Variants in DSCAM observed in about 807,000 individuals in gnomAD.
DSCAM encodes the protein DS cell adhesion molecule, also known as cell adhesion molecule DSCAM.
Under a neutral mutation model 217.7 loss-of-function variants are expected in DSCAM, and 47 were observed. The observed-to-expected ratio is 0.22, with a 90% CI of 0.17 to 0.28. The LOEUF (loss-of-function observed/expected upper bound fraction) is 0.28. Ranked by LOEUF, DSCAM falls within the 10% of genes least tolerant of loss-of-function variation. The probability of loss-of-function intolerance (pLI) is 1.00; values close to 1 mark genes in which losing one functional copy is unlikely to be tolerated. For missense variants in DSCAM, 2,080 were observed against 2,618.3 expected (o/e 0.79, Z 4.49); for synonymous variants, 1,056 against 1,015.3 (o/e 1.04, Z -0.76).
At position 40,708,574 on chromosome 21, in the gene DSCAM, G is replaced by A. The variant is rs1200053552; in HGVS notation, c.241C>T (p.Leu81Phe). The A allele has an allele frequency of 2.5e-6, 4 of 1,606,674 alleles. No homozygotes were observed. Among genetic ancestry groups the A allele is most frequent in the African/African-American group, 1.3e-5 (1 of 74,806 alleles). The change falls in exon 2 of 33, where the codon CTC (leucine) becomes TTC (phenylalanine). Residue 81 changes from leucine (L) to phenylalanine (F), a missense_variant. By Grantham distance (22) the Leu-to-Phe change is conservative. Transcript: ENST00000400454. Reference sequence around the variant, plus strand: ...GAAGGAGGGAAGGGGAAAATTTGGAGAGTGCCGTTGGGGTGGACGTGGCGG... The same window carrying A: ...GAAGGAGGGAAGGGGAAAATTTGGAAAGTGCCGTTGGGGTGGACGTGGCGG... ...GIRHVHPNGT[L>F]QIFPFPPSSF... is the part of the protein sequence containing the mutation.
chr21:40,434,107 C>A (rs1005034764), intron 3 of DSCAM, among the ~76,000 whole-genome samples: 2 of 152,200 alleles, frequency 1.3e-5, no homozygotes, highest in African/African-American at 2.4e-5. Context: ...AGTTCCACAA[C>A]TTTCCTTACC....
At chr21:40,646,163 T>C (rs1403972698) in intron 3 of DSCAM, among the ~76,000 whole-genome samples, 2 of 152,132 alleles carry the variant, frequency 1.3e-5, no homozygotes, top group African/African-American at 4.8e-5. Flanking sequence ...CTGGCTGCAA[T>C]CCTAGCACTT....
At chr21:40,632,218 A>G (rs1193533608) in intron 3 of DSCAM, among the ~76,000 whole-genome samples, 2 of 152,106 alleles carry the variant, frequency 1.3e-5, no homozygotes, top group African/African-American at 4.8e-5. Flanking sequence ...TAATAAATAA[A>G]ACTACCCCCA....
chr21:40,644,142 C>G (rs2089916292), intron 3 of DSCAM, among the ~76,000 whole-genome samples: 1 of 152,192 alleles, frequency 6.6e-6, no homozygotes, highest in African/African-American at 2.4e-5. Context: ...GATTTCACAG[C>G]TTGGCAGAGT....
At position 40,015,417 on chromosome 21, in the gene DSCAM, C is replaced by T. The variant is rs202099104; in HGVS notation, c.5687-2031G>A. ...TCTACCGGCAAAATATCTCTTGACTCTTTTTTTTTTTTTTCTTTTTTAAAC... is the reference window on the plus strand; with the variant it reads ...TCTACCGGCAAAATATCTCTTGACTTTTTTTTTTTTTTTTCTTTTTTAAAC... On this transcript the variant is annotated intron_variant, in intron 32 of 32. Coordinates refer to ENST00000400454, the MANE Select transcript of DSCAM (RefSeq NM_001389.5). Among the ~76,000 whole-genome samples, 882 of 145,522 alleles carry T rather than the reference C, an allele frequency of 6.1e-3. 10 individuals carry two copies. Among genetic ancestry groups the T allele is most frequent in the African/African-American group, 0.02 (772 of 39,010 alleles).
intron 11 of DSCAM, among the ~76,000 whole-genome samples, chr21:40,274,820 A>T (rs536431806): frequency 9.2e-5 from 14 of 152,162 alleles, no homozygotes; most frequent in African/African-American, 2.9e-4. Flanking sequence ...AAACACTTGG[A>T]TTTTTTTTGT....
intron 3 of DSCAM, among the ~76,000 whole-genome samples, chr21:40,656,073 ACTCAT>A (rs1455247611): frequency 6.6e-6 from 1 of 151,468 alleles, no homozygotes; most frequent in Non-Finnish European, 1.5e-5. Context: ...AAAATAAAGC[ACTCAT>A]CTCATCCATG....
intron 3 of DSCAM, among the ~76,000 whole-genome samples, chr21:40,422,958 G>A (rs1343767917): frequency 1.3e-5 from 2 of 152,134 alleles, no homozygotes; most frequent in African/African-American, 2.4e-5. Flanking sequence ...TATCAGTAAA[G>A]GTTAAGTATC....
At chr21:40,801,038 G>A (rs553847431) in intron 1 of DSCAM, among the ~76,000 whole-genome samples, 48 of 150,042 alleles carry the variant, frequency 3.2e-4, no homozygotes, top group Admixed American at 7.4e-4. Flanking sequence ...TGCAACCTCC[G>A]CCTTCAGATT....
At chr21:40,165,386 G>C (rs931453105) in intron 16 of DSCAM, among the ~76,000 whole-genome samples, 1 of 152,196 alleles carries the variant, frequency 6.6e-6, no homozygotes, top group African/African-American at 2.4e-5. Flanking sequence ...AACCTCATTA[G>C]TCAGTTAGAT....
chr21:40,720,799 G>C (rs536119626), intron 1 of DSCAM, among the ~76,000 whole-genome samples: 1 of 152,190 alleles, frequency 6.6e-6, no homozygotes, highest in Admixed American at 6.5e-5. Flanking sequence ...ATATTGTGGG[G>C]TTAGGGGGAC....
At chr21:40,673,602 T>G (rs765958851) in intron 3 of DSCAM, among the ~76,000 whole-genome samples, 1 of 152,216 alleles carries the variant, frequency 6.6e-6, no homozygotes, top group African/African-American at 2.4e-5. Flanking sequence ...CATGTAGAAC[T>G]GTAATCCCTA....
chr21:40,536,631 C>T (rs1012506637), intron 3 of DSCAM, among the ~76,000 whole-genome samples: 27 of 152,164 alleles, frequency 1.8e-4, no homozygotes, highest in African/African-American at 4.3e-4. Context: ...TGGTCTCGAT[C>T]TCCTGACCTC....
chr21:40,818,102 C>CA (rs35894315), intron 1 of DSCAM, among the ~76,000 whole-genome samples: 572 of 52,238 alleles, frequency 0.011, 22 homozygotes, highest in Middle Eastern at 0.038. Flanking sequence ...GACTCCGTCT[C>CA]AAAAAAAAAA....
rs138729667 is a variant in DSCAM at position 40,080,908 on chromosome 21, T to C, written c.4232-568A>G. 1.7e-3 allele frequency among the ~76,000 whole-genome samples: 253 copies of C among 152,114 alleles called. 2 individuals are homozygous for C. The highest frequency in any genetic ancestry group is 5.8e-3 in the African/African-American group (239 of 41,498). Reference sequence around the variant, plus strand: ...TTGAAAAATTCCTCCAACAATTCATTCCCCCACATGAGCACTACCTCTACT... The same window carrying C: ...TTGAAAAATTCCTCCAACAATTCATCCCCCCACATGAGCACTACCTCTACT... On this transcript the variant is annotated intron_variant, in intron 24 of 32. Coordinates refer to ENST00000400454, the MANE Select transcript of DSCAM (RefSeq NM_001389.5).
At chr21:40,108,677 A>G (rs2089854309) in intron 20 of DSCAM, among the ~76,000 whole-genome samples, 1 of 152,210 alleles carries the variant, frequency 6.6e-6, no homozygotes, top group Non-Finnish European at 1.5e-5. Flanking sequence ...AACCAAAAAG[A>G]GCCCAAACAG....
Position 40,557,783 on chromosome 21 carries a change from C to T in DSCAM, c.508+135027G>A, listed in dbSNP as rs970024276. On this transcript the variant is annotated intron_variant, in intron 3 of 32. Transcript: ENST00000400454. ...TCAGAATTGTGAGCCAAGCAAACAC[C>T]TCTTCTTAATTTGTCAGCCTCCAGT... 2.6e-5 allele frequency among the ~76,000 whole-genome samples: 4 copies of T among 151,982 alleles called. No individual in the cohort carries two copies. In the East Asian group the frequency reaches 7.7e-4, roughly 29 times the overall value.
intron 8 of DSCAM, among the ~76,000 whole-genome samples, chr21:40,330,058 A>G (rs900281700): frequency 3.9e-5 from 6 of 151,968 alleles, no homozygotes; most frequent in Non-Finnish European, 8.8e-5. Context: ...GAGACAACCT[A>G]TATGTTATTT....
At chr21:40,196,638 A>C (rs554082100) in intron 11 of DSCAM, among the ~76,000 whole-genome samples, 1 of 136,054 alleles carries the variant, frequency 7.4e-6, no homozygotes, top group African/African-American at 2.8e-5. Context: ...TTTTTTCTTC[A>C]TTTTTCCCTT....
Sources: allele counts gnomAD v4.1 joint callset (sites outside exome capture counted in the v4.1 genomes callset), GRCh38; gene constraint gnomAD v4.1.1; transcripts MANE v1.5; gene names NCBI Gene and HGNC (gene_info 2026-07-23, HGNC 2026-07-21).